KCNAB3: variants seen among roughly 807,000 people sequenced by gnomAD.
KCNAB3 encodes voltage-gated potassium channel subunit beta-3.
A neutral mutation model predicts 67.7 loss-of-function variants in KCNAB3; 62 were observed. The observed-to-expected ratio is 0.92, with a 90% CI of 0.75 to 1.13. The LOEUF is 1.13. Ranked by LOEUF, KCNAB3 falls within the 50% of genes most tolerant of loss-of-function variation. KCNAB3 has a pLI of 0.00. For synonymous variants in KCNAB3, 212 were observed against 205.4 expected (o/e 1.03, Z -0.27); for missense variants, 514 against 522.9 (o/e 0.98, Z 0.17).
At position 7,922,897 on chromosome 17, in the gene KCNAB3, G is replaced by C. The variant is rs934102590; in HGVS notation, c.*205C>G. 1 of 591,506 alleles carries C rather than the reference G, an allele frequency of 1.7e-6. No individual in the cohort carries two copies. 36.6% of individuals were successfully genotyped at this position (591,506 alleles called of 1,614,324 possible). A position where few individuals can be genotyped will look rare whatever the true frequency, so the allele number is the denominator to read the frequency against. On this transcript the variant is annotated 3_prime_UTR_variant, in exon 14 of 14. Transcript: ENST00000303790. ...TAGAAAGACGCAGCAGGGGGCGGGC[G>C]TGCTACTTTCTCTCTCGACCCCACT...
rs1972349599 is a variant in KCNAB3 at position 7,929,348 on chromosome 17, C to T, written c.88G>A (p.Gly30Ser). The change falls in exon 1 of 14, where the codon GGC becomes AGC. Residue 30 changes from glycine (G) to serine (S), a missense_variant. Physicochemically the swap from Gly to Ser is moderately conservative, Grantham distance 56. Coordinates refer to ENST00000303790, the MANE Select transcript of KCNAB3 (RefSeq NM_004732.4). This position sits in a 1 kb window ranked among gnomAD's most constrained non-coding sequence, Gnocchi z 5.7. ...RLCGPRPGPG[G>S]GNGGPAGGGH... is the part of the protein sequence containing the mutation. ...CCGCCGGCCGGCCCACCATTACCGCCCCCGGGGCCCGGCCGGGGTCCACAC... is the reference window on the plus strand; with the variant it reads ...CCGCCGGCCGGCCCACCATTACCGCTCCCGGGGCCCGGCCGGGGTCCACAC... The T allele has an allele frequency of 3.2e-6, 5 of 1,549,758 alleles. No individual in the cohort carries two copies. The highest frequency in any genetic ancestry group is 4.4e-6 in the Non-Finnish European group (5 of 1,146,954).
chr17:7,925,854 G>T, intron 6 of KCNAB3, 77 bp downstream of exon 6: 1 of 1,575,186 alleles, frequency 6.3e-7, no homozygotes, highest in Non-Finnish European at 8.7e-7. Context: ...CAGGATAGCT[G>T]TCCCCACCCC....
chr17:7,929,423 T>TAGAC lies in KCNAB3; in HGVS notation c.9_12dup (p.Ile5ValfsTer15). 1.3e-6 allele frequency: 2 copies of TAGAC among 1,547,678 alleles called. No homozygotes were observed. Among genetic ancestry groups the TAGAC allele is most frequent in the Non-Finnish European group, 1.7e-6 (2 of 1,146,310 alleles). On this transcript the variant is annotated frameshift_variant, in exon 1 of 14. Coordinates refer to ENST00000303790, the MANE Select transcript of KCNAB3 (RefSeq NM_004732.4). LOFTEE classifies it high-confidence loss of function. This position sits in a 1 kb window ranked among gnomAD's most constrained non-coding sequence, Gnocchi z 5.7. ...CGAAGGTTCTGCTCGGTACACGCGA[T>TAGAC]AGACACCTGCATGCTGGCTGGCCGA...
rs117731997 is a variant in KCNAB3, at chr17:7,924,237, T to C, written c.740A>G (p.Asn247Ser). The part of the protein sequence containing the change: ...MEAYSMARQF[N>S]LIPPVCEQAE... The stretch of plus-strand genomic sequence containing the variant: ...TTGTTCACACACTGGAGGAATCAGA[T>C]TGAACTGTCTGGCCATGGAGTAGGC... The change falls in exon 10 of 14, where the codon AAT becomes AGT. Residue 247 changes from asparagine (N) to serine (S), a missense_variant. Coordinates refer to ENST00000303790, the MANE Select transcript of KCNAB3 (RefSeq NM_004732.4). The C allele has an allele frequency of 9.8e-4, 1,576 of 1,614,184 alleles. 1 individual carries two copies. Among genetic ancestry groups the C allele is most frequent in the Non-Finnish European group, 1.2e-3 (1,473 of 1,180,020 alleles).
intron 7 of KCNAB3, chr17:7,925,390 G>T (rs934699740): frequency 3.4e-6 from 2 of 593,026 alleles, no homozygotes; most frequent in African/African-American, 3.7e-5. Context: ...TTAGCCAGGC[G>T]TGGTGGCGTG....
In KCNAB3 at chr17:7,929,829, C is replaced by CACTTAAT; in HGVS notation, c.-395_-394insATTAAGT. On this transcript the variant is annotated 5_prime_UTR_variant, in exon 1 of 14. Transcript: ENST00000303790. This position sits in a 1 kb window ranked among gnomAD's most constrained non-coding sequence, Gnocchi z 5.7. ...AACCGCTGCGGGACCCGCTGGGCTC[C>CACTTAAT]CAGCCGCGTCGGCAGCGGGCCCAGC... 4.0e-6 allele frequency: 4 copies of CACTTAAT among 990,486 alleles called. No homozygotes were observed. The highest frequency in any genetic ancestry group is 1.5e-4 in the Admixed American group (2 of 12,988). 61.4% of individuals were successfully genotyped at this position (990,486 alleles called of 1,614,324 possible).
In KCNAB3 at chr17:7,929,774, G is replaced by A. The variant is rs1567895216; in HGVS notation, c.-339C>T. ...GGAGGATAAGGACCCAGGGGGAAGC[G>A]GGGCGGGAGAGAGATGCCACTTCAG... On this transcript the variant is annotated 5_prime_UTR_variant, in exon 1 of 14. Transcript: ENST00000303790. The surrounding 1 kb of genome is among the most constrained non-coding windows in gnomAD (Gnocchi z 5.7). 8.6e-7 allele frequency: 1 copy of A among 1,161,438 alleles called. No homozygotes were observed. The highest frequency in any genetic ancestry group is 1.9e-5 in the South Asian group (1 of 51,386). The allele number at this position is 1,161,438 out of a possible 1,614,324, so 71.9% of individuals were successfully genotyped here. A position where few individuals can be genotyped will look rare whatever the true frequency, so the allele number is the denominator to read the frequency against.
chr17:7,926,650 T>C (rs759219844), intron 4 of KCNAB3, among the ~76,000 whole-genome samples: 9 of 152,208 alleles, frequency 5.9e-5, no homozygotes, highest in Non-Finnish European at 1.0e-4. Flanking sequence ...GTTACTGAAA[T>C]GTTTTACCGT....
At chr17:7,925,846 GGATAGCT>G in intron 6 of KCNAB3, 78 bp downstream of exon 6, 1 of 1,591,096 alleles carries the variant, frequency 6.3e-7, no homozygotes, top group Non-Finnish European at 8.6e-7. Context: ...ACCTGGTGCA[GGATAGCT>G]GTCCCCACCC....
Position 7,925,067 on chromosome 17 carries a change from G to T in KCNAB3, c.625+30C>A, listed in dbSNP as rs1479863127. 4 of 1,598,860 alleles carry T rather than the reference G, an allele frequency of 2.5e-6. No individual in the cohort carries two copies. In the African/African-American group the frequency reaches 4.0e-5, roughly 16 times the overall value. On this transcript the variant is annotated intron_variant, in intron 8 of 13. Coordinates refer to ENST00000303790, the MANE Select transcript of KCNAB3 (RefSeq NM_004732.4). ...AGCAAGGAAGTGCTCAGTTTTGAAG[G>T]ACTGTAAGGTTTGGGGGTGCTGCTT... is the stretch of plus-strand genomic sequence containing the variant.
Position 7,923,479 on chromosome 17 carries a change from T to G in KCNAB3, c.1114A>C (p.Ile372Leu). ...ACCTGTAGCGCGCCCAGGTGTTCTATCAACTGCTCCGCACTCGACACCCCC... is the reference window on the plus strand; with the variant it reads ...ACCTGTAGCGCGCCCAGGTGTTCTAGCAACTGCTCCGCACTCGACACCCCC... ...LLGVSSAEQL[I>L]EHLGALQVLS... Residue 372 changes from isoleucine (I) to leucine (L), a missense_variant, in exon 13 of 14, where the codon ATA (isoleucine) becomes CTA (leucine). Ile to Leu is a conservative substitution (Grantham distance 5). Transcript: ENST00000303790. 3.1e-6 allele frequency: 5 copies of G among 1,612,118 alleles called. No homozygotes were observed. Among genetic ancestry groups the G allele is most frequent in the Non-Finnish European group, 4.2e-6 (5 of 1,179,200 alleles).
chr17:7,928,256 G>A (rs766705754), intron 1 of KCNAB3: 2 of 224,206 alleles, frequency 8.9e-6, no homozygotes, highest in Non-Finnish European at 1.8e-5. Flanking sequence ...CAGGTTGGAA[G>A]AGGTAAACCA....
intron 4 of KCNAB3, among the ~76,000 whole-genome samples, chr17:7,926,536 A>C (rs1159354157): frequency 6.6e-6 from 1 of 152,212 alleles, no homozygotes; most frequent in Non-Finnish European, 1.5e-5. Flanking sequence ...GAGTGCCACA[A>C]TCTATGGTCC....
In KCNAB3 at chr17:7,922,503, G is replaced by A. The variant is rs550881080; in HGVS notation, c.*599C>T. 6.5e-6 allele frequency: 1 copy of A among 154,396 alleles called. No homozygotes were observed. The highest frequency in any genetic ancestry group is 2.0e-4 in the South Asian group (1 of 5,094). The allele number at this position is 154,396 out of a possible 1,614,324, so 9.6% of individuals were successfully genotyped here. Reference sequence around the variant, plus strand: ...TACATTTCCCTCTACCTTTGTCAGTGCTGTGCCACTGTAGACCCCACCCTG... The same window carrying A: ...TACATTTCCCTCTACCTTTGTCAGTACTGTGCCACTGTAGACCCCACCCTG... On this transcript the variant is annotated 3_prime_UTR_variant, in exon 14 of 14. Transcript: ENST00000303790.
At chr17:7,923,905 C>T (rs566383198) in intron 11 of KCNAB3, 63 bp downstream of exon 11, 39 of 1,566,242 alleles carry the variant, frequency 2.5e-5, no homozygotes, top group East Asian at 2.4e-4. Flanking sequence ...AGCAGCCCCC[C>T]GTAACTCCCC....
At chr17:7,925,596 T>G (rs1972201828) in intron 7 of KCNAB3, 87 bp downstream of exon 7, 7 of 1,353,478 alleles carry the variant, frequency 5.2e-6, no homozygotes, top group Non-Finnish European at 7.4e-6. Context: ...AAATCCCTAT[T>G]CAAAGCCTCC....
rs1377666875 is a variant in KCNAB3, at chr17:7,926,159, C to T, written c.405-56G>A. ...CCCTTCTAGGCCAATCAATTCCTTC[C>T]TCTCCTCCCCACCTTTTCCTCTCTT... On this transcript the variant is annotated intron_variant, in intron 4 of 13. Coordinates refer to ENST00000303790, the MANE Select transcript of KCNAB3 (RefSeq NM_004732.4). 14 of 1,594,490 alleles carry T rather than the reference C, an allele frequency of 8.8e-6. 1 individual carries two copies. The highest frequency in any genetic ancestry group is 1.2e-5 in the Non-Finnish European group (14 of 1,163,068).
intron 6 of KCNAB3, 31 bp downstream of exon 6, chr17:7,925,900 T>C (rs1361131382): frequency 1.3e-6 from 2 of 1,599,610 alleles, no homozygotes; most frequent in East Asian, 2.2e-5. Flanking sequence ...TTGTAGGCCT[T>C]CTCCACAATC....
In KCNAB3 at chr17:7,923,448, C is replaced by T. The variant is rs775573320; in HGVS notation, c.1137+8G>A. 1.5e-5 allele frequency: 24 copies of T among 1,604,688 alleles called. No individual in the cohort carries two copies. The highest frequency in any genetic ancestry group is 1.8e-5 in the Non-Finnish European group (21 of 1,175,736). ...CAGATAGGCTCTGCCTCTGAGTCCCCGGCTCACCTGTAGCGCGCCCAGGTG... is the reference window on the plus strand; with the variant it reads ...CAGATAGGCTCTGCCTCTGAGTCCCTGGCTCACCTGTAGCGCGCCCAGGTG... On this transcript the variant is annotated splice_region_variant and intron_variant, in intron 13 of 13. Transcript: ENST00000303790.
Sources: allele counts gnomAD v4.1 joint callset (sites outside exome capture counted in the v4.1 genomes callset), GRCh38; gene constraint gnomAD v4.1.1; non-coding constraint Gnocchi (gnomAD v3.1); transcripts MANE v1.5; gene names NCBI Gene and HGNC (gene_info 2026-07-23, HGNC 2026-07-21).